ICE1: variants seen among roughly 807,000 people sequenced by gnomAD.
ICE1 encodes the protein little elongation complex subunit 1.
Under a neutral mutation model 192.7 loss-of-function variants are expected in ICE1, and 64 were observed. The ratio of observed to expected loss-of-function variants is 0.33; its 90% confidence interval spans 0.27 to 0.41. The LOEUF is 0.41. ICE1 is among the 10% of genes least tolerant of loss of function. The pLI, the probability that ICE1 is intolerant of heterozygous loss-of-function variation, is 1.00. For missense variants in ICE1, 2,708 were observed against 2,696.0 expected (o/e 1.00, Z -0.10); for synonymous variants, 1,010 against 984.5 (o/e 1.03, Z -0.49).
chr5:5,450,593 A>T (rs1235792526), intron 10 of ICE1, among the ~76,000 whole-genome samples: 18 of 152,184 alleles, frequency 1.2e-4, no homozygotes, highest in Non-Finnish European at 2.5e-4. Flanking sequence ...GTTGAGCGTG[A>T]TTTTTGTGTA....
intron 17 of ICE1, 63 bp downstream of exon 17, chr5:5,476,142 G>GT (rs1212655992): frequency 4.5e-6 from 4 of 895,032 alleles, no homozygotes; most frequent in Middle Eastern, 2.7e-4. Context: ...AAGGCTGGGG[G>GT]GTTAACTGTA....
chr5:5,479,376 A>G (rs1413997231), intron 17 of ICE1, among the ~76,000 whole-genome samples: 1 of 152,244 alleles, frequency 6.6e-6, no homozygotes, highest in Non-Finnish European at 1.5e-5. Flanking sequence ...AGAAACGCAA[A>G]TCAAAACCAC....
At chr5:5,486,687 C>T in intron 17 of ICE1, 34 bp from the exon 18 acceptor site, 1 of 1,378,370 alleles carries the variant, frequency 7.3e-7, no homozygotes, top group Non-Finnish European at 1.0e-6. Flanking sequence ...CAACATTTAA[C>T]TGGACTGTTT....
At chr5:5,440,872 G>A (rs977699018) in intron 4 of ICE1, among the ~76,000 whole-genome samples, 1 of 150,796 alleles carries the variant, frequency 6.6e-6, no homozygotes, top group African/African-American at 2.4e-5. Flanking sequence ...TTATATTCCA[G>A]CCCAGGAGAC....
chr5:5,438,472 G>A (rs1380413605), intron 3 of ICE1, among the ~76,000 whole-genome samples: 1 of 152,158 alleles, frequency 6.6e-6, no homozygotes, highest in Non-Finnish European at 1.5e-5. Flanking sequence ...CTTCTTATGT[G>A]CCTCATCTGT....
In ICE1 at chr5:5,462,420, G is replaced by A. The variant is rs779434814; in HGVS notation, c.3086G>A (p.Gly1029Asp). 1.2e-6 allele frequency: 2 copies of A among 1,614,022 alleles called. No homozygotes were observed. The highest frequency in any genetic ancestry group is 1.7e-6 in the Non-Finnish European group (2 of 1,179,888). Residue 1029 changes from glycine (G) to aspartate (D), a missense_variant, in exon 13 of 19, where the codon GGT becomes GAT. Coordinates refer to ENST00000296564, the MANE Select transcript of ICE1 (RefSeq NM_015325.3). ...TGTGGAGACACAGGGAGATCTGGTG[G>A]TGAGGCCCTGGCTGTTGCAAATGAT... ...TSCGDTGRSG[G>D]EALAVANDST...
chr5:5,458,661 G>T (rs192293167), intron 12 of ICE1, among the ~76,000 whole-genome samples: 20 of 152,254 alleles, frequency 1.3e-4, no homozygotes, highest in African/African-American at 4.1e-4. Context: ...ATTCATGCAG[G>T]TGACACTGGG....
In ICE1 at chr5:5,462,129, G is replaced by T; in HGVS notation, c.2795G>T (p.Arg932Met). Residue 932 changes from arginine to methionine, a missense_variant, in exon 13 of 19, where the codon AGG becomes ATG. By Grantham distance (91) the Arg-to-Met change is moderately conservative. Coordinates refer to ENST00000296564, the MANE Select transcript of ICE1 (RefSeq NM_015325.3). ...ATTTCACCAGAAGTTTCTGCCTCTA[G>T]GAGAAAATTAGATTTTAATTCTCCA... The part of the protein sequence containing the change: ...KSISPEVSAS[R>M]RKLDFNSPGG... The T allele has an allele frequency of 6.2e-7, 1 of 1,613,938 alleles. No individual in the cohort carries two copies.
chr5:5,441,745 G>A (rs1045565344), intron 5 of ICE1, among the ~76,000 whole-genome samples: 2 of 152,146 alleles, frequency 1.3e-5, no homozygotes, highest in African/African-American at 2.4e-5. Flanking sequence ...TCATAAACTA[G>A]TCAATATTTT....
Position 5,464,401 on chromosome 5 carries a change from A to C in ICE1, c.5067A>C (p.Arg1689Ser), listed in dbSNP as rs1364731910. Residue 1689 changes from arginine (R) to serine (S), a missense_variant, in exon 13 of 19, where the codon AGA (arginine) becomes AGC (serine). By Grantham distance (110) the Arg-to-Ser change is moderately radical (BLOSUM62 -1). This residue lies in a region of ICE1 where 2,366 missense variants were observed against 2,276.6 expected (regional missense o/e 1.04). Transcript: ENST00000296564. This position sits in a 1 kb window ranked among gnomAD's most constrained non-coding sequence, Gnocchi z 4.0. The stretch of plus-strand genomic sequence containing the variant: ...TGTCTCCATGGCCAGAGGACCCCAG[A>C]CGTGCCTCTCCTCCAGATCCTTCTC... ...PAMSPWPEDP[R>S]RASPPDPSPS... 1.2e-6 allele frequency: 2 copies of C among 1,613,632 alleles called. No individual in the cohort carries two copies. The highest frequency in any genetic ancestry group is 2.2e-5 in the East Asian group (1 of 44,844).
At chr5:5,454,350 C>A (rs1036637277) in intron 10 of ICE1, among the ~76,000 whole-genome samples, 2 of 152,060 alleles carry the variant, frequency 1.3e-5, no homozygotes, top group African/African-American at 4.8e-5. Flanking sequence ...AACAAAAGTA[C>A]CTTCAGCCTT....
At chr5:5,444,072 A>G (rs1156945896) in intron 6 of ICE1, among the ~76,000 whole-genome samples, 1 of 152,210 alleles carries the variant, frequency 6.6e-6, no homozygotes, top group East Asian at 1.9e-4. Context: ...TGACAGGCCC[A>G]TGGCATGTGT....
In ICE1 at chr5:5,467,805, T is replaced by C. The variant is rs184560142; in HGVS notation, c.6062-1023T>C. Among the ~76,000 whole-genome samples, 82 of 152,344 alleles carry C rather than the reference T, an allele frequency of 5.4e-4. 2 individuals are homozygous for C. The highest frequency in any genetic ancestry group is 2.4e-4 in the Non-Finnish European group (16 of 68,028). ...ACAAAGAAAACTAAAAAGATGTGAT[T>C]GTACAGCAAACAGGATAAAAATCTT... On this transcript the variant is annotated intron_variant, in intron 14 of 18. Transcript: ENST00000296564.
intron 13 of ICE1, 77 bp downstream of exon 13, chr5:5,465,303 T>G: frequency 1.0e-6 from 1 of 1,004,844 alleles, no homozygotes; most frequent in Non-Finnish European, 1.4e-6. Context: ...GTCAGCAAAA[T>G]GTGTAGATGA....
chr5:5,447,979 T>TAAATTTA, intron 10 of ICE1, 82 bp downstream of exon 10: 1 of 1,075,496 alleles, frequency 9.3e-7, no homozygotes, highest in Non-Finnish European at 1.4e-6. Flanking sequence ...CTACATATAA[T>TAAATTTA]TGTGAAAGTG....
At position 5,466,357 on chromosome 5, in the gene ICE1, C is replaced by T; in HGVS notation, c.5916C>T (p.His1972=). The change falls in exon 14 of 19, where the codon CAC becomes CAT. Residue 1972 remains histidine, a synonymous_variant. Coordinates refer to ENST00000296564, the MANE Select transcript of ICE1 (RefSeq NM_015325.3). The stretch of plus-strand genomic sequence containing the variant: ...AGCATTTAGCAGAGTGCTTGCTTCA[C>T]TCTATTCTCTCAGAACTAAAAATTC... ...TKKHLAECLL[H]SILSELKIQK... is the part of the protein sequence containing the mutation. 1 of 1,609,148 alleles carries T rather than the reference C, an allele frequency of 6.2e-7. No individual in the cohort carries two copies. Among genetic ancestry groups the T allele is most frequent in the Non-Finnish European group, 8.5e-7 (1 of 1,178,130 alleles).
intron 17 of ICE1, 28 bp from the exon 18 acceptor site, chr5:5,486,693 T>C: frequency 7.0e-7 from 1 of 1,420,598 alleles, no homozygotes; most frequent in East Asian, 2.3e-5. Context: ...TTAACTGGAC[T>C]GTTTACATTT....
At chr5:5,427,438 A>G (rs1737558195) in intron 1 of ICE1, among the ~76,000 whole-genome samples, 3 of 152,232 alleles carry the variant, frequency 2.0e-5, no homozygotes, top group South Asian at 2.1e-4. Flanking sequence ...GGAGAGGCCC[A>G]TATTTGCTGA....
At chr5:5,453,584 A>T (rs953260416) in intron 10 of ICE1, among the ~76,000 whole-genome samples, 1 of 152,196 alleles carries the variant, frequency 6.6e-6, no homozygotes, top group African/African-American at 2.4e-5. Flanking sequence ...GGAAACTCTA[A>T]TAAAACTTTT....
Sources: allele counts gnomAD v4.1 joint callset (sites outside exome capture counted in the v4.1 genomes callset), GRCh38; gene constraint gnomAD v4.1.1; regional missense constraint gnomAD v4.1.1; non-coding constraint Gnocchi (gnomAD v3.1); transcripts MANE v1.5; gene names NCBI Gene and HGNC (gene_info 2026-07-23, HGNC 2026-07-21).